The following GALNTL6 variants were observed in gnomAD, a reference collection of about 807,000 sequenced individuals.
The protein encoded by GALNTL6 is polypeptide N-acetylgalactosaminyltransferase-like 6.
GALNTL6 carries 46 observed loss-of-function variants against 73.7 expected under a neutral mutation model. The ratio of observed to expected loss-of-function variants is 0.62; its 90% CI spans 0.49 to 0.80. The LOEUF (loss-of-function observed/expected upper bound fraction) is 0.80. Among genes scored for constraint, GALNTL6 ranks in the 30% least tolerant of loss-of-function variants. The pLI, the probability that GALNTL6 is intolerant of heterozygous loss-of-function variation, is 0.00. For synonymous variants in GALNTL6, 259 were observed against 263.7 expected (o/e 0.98, Z 0.17); for missense variants, 604 against 755.0 (o/e 0.80, Z 2.34).
intron 5 of GALNTL6, among the ~76,000 whole-genome samples, chr4:172,606,717 A>G (rs1028738336): frequency 2.4e-4 from 34 of 140,460 alleles, no homozygotes; most frequent in Middle Eastern, 3.6e-3. Context: ...TATATATAGT[A>G]TATATATATA....
intron 5 of GALNTL6, among the ~76,000 whole-genome samples, chr4:172,722,767 T>C (rs1735559981): frequency 6.6e-6 from 1 of 152,334 alleles, no homozygotes; most frequent in Middle Eastern, 3.4e-3. Flanking sequence ...TATATTCTTT[T>C]GAATTTGTGA....
At chr4:171,852,598 A>G (rs1223208750) in intron 2 of GALNTL6, among the ~76,000 whole-genome samples, 3 of 151,920 alleles carry the variant, frequency 2.0e-5, no homozygotes, top group Non-Finnish European at 4.4e-5. Context: ...GAAAAGAGGC[A>G]CTGTAAAAAT....
chr4:172,110,824 T>G (rs1331105862), intron 2 of GALNTL6, among the ~76,000 whole-genome samples: 1 of 152,032 alleles, frequency 6.6e-6, no homozygotes, highest in Admixed American at 6.6e-5. Context: ...CACCCATAAC[T>G]CCTAAAAGAA....
intron 5 of GALNTL6, among the ~76,000 whole-genome samples, chr4:172,722,015 C>T (rs1279718709): frequency 1.3e-5 from 2 of 150,600 alleles, no homozygotes; most frequent in Non-Finnish European, 3.0e-5. Context: ...AATCGTGACT[C>T]CCTAATTTAC....
At chr4:172,072,561 A>G (rs2110904593) in intron 2 of GALNTL6, among the ~76,000 whole-genome samples, 1 of 152,278 alleles carries the variant, frequency 6.6e-6, no homozygotes, top group South Asian at 2.1e-4. Flanking sequence ...ATTTCACAGA[A>G]CTATTCAGAT....
At chr4:172,964,884 CT>C (rs1014236582) in intron 10 of GALNTL6, among the ~76,000 whole-genome samples, 1 of 152,240 alleles carries the variant, frequency 6.6e-6, no homozygotes, top group African/African-American at 2.4e-5. Context: ...CCCTCACATT[CT>C]TTTGGGAGAG....
chr4:172,592,674 A>G (rs182275234), intron 5 of GALNTL6, among the ~76,000 whole-genome samples: 100 of 141,392 alleles, frequency 7.1e-4, no homozygotes, highest in South Asian at 2.5e-3. Flanking sequence ...CTGTCTGTCT[A>G]TCTATCTATC....
intron 2 of GALNTL6, among the ~76,000 whole-genome samples, chr4:172,144,116 A>C (rs1263399572): frequency 6.6e-6 from 1 of 152,204 alleles, no homozygotes; most frequent in Non-Finnish European, 1.5e-5. Context: ...AATACAAGCC[A>C]GTAGATAAAG....
At chr4:172,770,358 A>G (rs1004902370) in intron 5 of GALNTL6, among the ~76,000 whole-genome samples, 2 of 152,074 alleles carry the variant, frequency 1.3e-5, no homozygotes, top group Non-Finnish European at 2.9e-5. Context: ...TTGCTCAATA[A>G]AAGACAACTG....
chr4:172,367,857 A>T (rs1742625173), intron 5 of GALNTL6, among the ~76,000 whole-genome samples: 1 of 152,222 alleles, frequency 6.6e-6, no homozygotes, highest in Non-Finnish European at 1.5e-5. Flanking sequence ...TGTCTCATTA[A>T]CATCGCTTAT....
At chr4:172,156,764 G>A (rs1483108231) in intron 2 of GALNTL6, among the ~76,000 whole-genome samples, 1 of 151,560 alleles carries the variant, frequency 6.6e-6, no homozygotes, top group Non-Finnish European at 1.5e-5. Context: ...GACACTTTAG[G>A]AAGTGTGTGC....
chr4:172,000,155 T>C (rs562256840), intron 2 of GALNTL6, among the ~76,000 whole-genome samples: 7 of 152,254 alleles, frequency 4.6e-5, no homozygotes, highest in African/African-American at 1.7e-4. Context: ...CAGTACATTC[T>C]TGAAGAGCCA....
chr4:172,007,548 G>T (rs987884509), intron 2 of GALNTL6, among the ~76,000 whole-genome samples: 2 of 151,910 alleles, frequency 1.3e-5, no homozygotes, highest in African/African-American at 4.8e-5. Context: ...CAACAATATC[G>T]ATCATTCAAA....
intron 2 of GALNTL6, among the ~76,000 whole-genome samples, chr4:171,838,138 T>TTTA (rs1735148502): frequency 2.5e-5 from 3 of 121,760 alleles, no homozygotes; most frequent in African/African-American, 1.1e-4. Context: ...TTATTTATTT[T>TTTA]TTGAGACAGA....
chr4:172,372,515 G>A (rs1437799605), intron 5 of GALNTL6, among the ~76,000 whole-genome samples: 2 of 152,174 alleles, frequency 1.3e-5, no homozygotes, highest in African/African-American at 4.8e-5. Context: ...AAAACAGTGA[G>A]GCCAGCCTTT....
In GALNTL6 at chr4:172,983,983, G is replaced by A. The variant is rs75336645; in HGVS notation, c.1372-25195G>A. Among the ~76,000 whole-genome samples, 318 of 151,908 alleles carry A rather than the reference G, an allele frequency of 2.1e-3. 2 individuals are homozygous for A. Among genetic ancestry groups the A allele is most frequent in the African/African-American group, 7.2e-3 (299 of 41,418 alleles). ...TTTCTTGCTTACTGAAGTCCATGGG[G>A]TATAGGCAAAATATCACATTCTGCA... On this transcript the variant is annotated intron_variant, in intron 10 of 12. Transcript: ENST00000506823.
chr4:171,823,491 C>T (rs1291194127), intron 2 of GALNTL6, among the ~76,000 whole-genome samples: 1 of 151,204 alleles, frequency 6.6e-6, no homozygotes, highest in Non-Finnish European at 1.5e-5. Context: ...GATTTTTTTC[C>T]CATGCAAATA....
chr4:172,121,287 G>A (rs2062991437), intron 2 of GALNTL6, among the ~76,000 whole-genome samples: 1 of 149,854 alleles, frequency 6.7e-6, no homozygotes, highest in South Asian at 2.1e-4. Context: ...GTGTGTGTGT[G>A]TGTGTGTGTA....
At chr4:172,160,611 A>T (rs1286920571) in intron 2 of GALNTL6, among the ~76,000 whole-genome samples, 2 of 152,076 alleles carry the variant, frequency 1.3e-5, no homozygotes, top group African/African-American at 4.8e-5. Flanking sequence ...CGAAAAAACT[A>T]AGAGAATGGA....
Sources: gnomAD v4.1 joint callset for allele counts (sites outside exome capture counted in the v4.1 genomes callset) on GRCh38, gnomAD v4.1.1 for gene constraint, MANE v1.5 for transcripts, NCBI Gene and HGNC (gene_info 2026-07-23, HGNC 2026-07-21) for gene names.